The following FER variants were observed in gnomAD, a reference collection of about 807,000 sequenced individuals.
The protein encoded by FER is FER tyrosine kinase, also known as tyrosine-protein kinase Fer.
Under a neutral mutation model 111.0 loss-of-function variants are expected in FER, and 63 were observed. The observed-to-expected ratio is 0.57, with a 90% confidence interval of 0.46 to 0.70. The LOEUF is 0.70. FER is among the 30% of genes least tolerant of loss of function. The pLI, the probability that FER is intolerant of heterozygous loss-of-function variation, is 0.00. For synonymous variants in FER, 327 were observed against 313.9 expected (o/e 1.04, Z -0.44); for missense variants, 914 against 954.0 (o/e 0.96, Z 0.55).
chr5:109,021,192 C>T lies in FER; in HGVS notation c.1657-16230C>T, dbSNP rs79741239. Among the ~76,000 whole-genome samples, 139 of 152,008 alleles carry T rather than the reference C, an allele frequency of 9.1e-4. No homozygotes were observed. In the East Asian group the frequency reaches 0.021, roughly 23 times the overall value. Reference sequence around the variant, plus strand: ...GCTGTACTCAGTGTTATCCTACTACCATTTTAATTAATAAATTTAGATTTT... The same window carrying T: ...GCTGTACTCAGTGTTATCCTACTACTATTTTAATTAATAAATTTAGATTTT... On this transcript the variant is annotated intron_variant, in intron 13 of 19. Coordinates refer to ENST00000281092, the MANE Select transcript of FER (RefSeq NM_005246.4).
chr5:109,110,976 A>C (rs1490105077), intron 17 of FER, among the ~76,000 whole-genome samples: 1 of 152,164 alleles, frequency 6.6e-6, no homozygotes, highest in Non-Finnish European at 1.5e-5. Context: ...TTATCACACT[A>C]TGTAATTCTT....
Position 109,179,306 on chromosome 5 carries a change from T to C in FER, c.2049-1441T>C, listed in dbSNP as rs143613133. ...CCTCAATAGAAAAAAATTTAGCCTT[T>C]CACCATTTAAGTGTGTAATGTTAGG... On this transcript the variant is annotated intron_variant, in intron 17 of 19. Coordinates refer to ENST00000281092, the MANE Select transcript of FER (RefSeq NM_005246.4). 9.1e-3 allele frequency among the ~76,000 whole-genome samples: 1,385 copies of C among 152,350 alleles called. 13 individuals are homozygous for C. Among genetic ancestry groups the C allele is most frequent in the Middle Eastern group, 0.031 (9 of 294 alleles).
chr5:109,052,222 A>G, intron 16 of FER: 1 of 1,607,662 alleles, frequency 6.2e-7, no homozygotes, highest in South Asian at 1.1e-5. Context: ...GATCTGCAGG[A>G]CCCAGAAGCG....
intron 16 of FER, among the ~76,000 whole-genome samples, chr5:109,080,553 A>T (rs1776872503): frequency 6.6e-6 from 1 of 152,094 alleles, no homozygotes; most frequent in Admixed American, 6.6e-5. Flanking sequence ...TACAAATTTT[A>T]GGTCTGAATA....
intron 3 of FER, among the ~76,000 whole-genome samples, chr5:108,823,692 A>G (rs2150111027): frequency 6.6e-6 from 1 of 152,162 alleles, no homozygotes; most frequent in Admixed American, 6.5e-5. Flanking sequence ...CCCTTATTAG[A>G]TATATAATTT....
rs554498620 is a variant in FER at position 109,191,306 on chromosome 5, T to A, written c.*3731T>A. The stretch of plus-strand genomic sequence containing the variant: ...GAATGTACCTGAAAACCTTACTTAG[T>A]ATACTGTGTACACTGTTTAATGGCC... On this transcript the variant is annotated 3_prime_UTR_variant, in exon 20 of 20. Coordinates refer to ENST00000281092, the MANE Select transcript of FER (RefSeq NM_005246.4). 6.6e-4 allele frequency: 101 copies of A among 152,334 alleles called. No individual in the cohort carries two copies. Among genetic ancestry groups the A allele is most frequent in the African/African-American group, 2.4e-3 (98 of 41,578 alleles). The allele number at this position is 152,334 out of a possible 1,614,324, so 9.4% of individuals were successfully genotyped here.
intron 10 of FER, among the ~76,000 whole-genome samples, chr5:108,914,470 CA>C (rs1215937512): frequency 6.6e-6 from 1 of 152,100 alleles, no homozygotes; most frequent in Admixed American, 6.5e-5. Flanking sequence ...TTTTTGATAA[CA>C]AAGTGTTGTA....
At chr5:108,816,742 C>T (rs927259401) in intron 3 of FER, among the ~76,000 whole-genome samples, 5 of 152,020 alleles carry the variant, frequency 3.3e-5, no homozygotes, top group African/African-American at 9.7e-5. Flanking sequence ...GATGTATAGA[C>T]CCCATCCAAA....
intron 17 of FER, among the ~76,000 whole-genome samples, chr5:109,106,035 T>C (rs566864596): frequency 1.3e-5 from 2 of 152,298 alleles, no homozygotes; most frequent in African/African-American, 4.8e-5. Flanking sequence ...AAACAAGTGG[T>C]AGTTTCAGGA....
intron 10 of FER, among the ~76,000 whole-genome samples, chr5:108,944,688 G>A (rs983197264): frequency 2.0e-5 from 3 of 151,924 alleles, no homozygotes; most frequent in Admixed American, 2.0e-4. Context: ...TGAGTTTCAT[G>A]TTTTATTTGT....
At chr5:108,987,740 A>T (rs1762736481) in intron 13 of FER, among the ~76,000 whole-genome samples, 1 of 152,162 alleles carries the variant, frequency 6.6e-6, no homozygotes, top group South Asian at 2.1e-4. Flanking sequence ...ATTAGCAAAC[A>T]GCAACAGTTT....
At chr5:108,956,450 A>C (rs766784505) in intron 12 of FER, among the ~76,000 whole-genome samples, 1 of 151,690 alleles carries the variant, frequency 6.6e-6, no homozygotes, top group Non-Finnish European at 1.5e-5. Flanking sequence ...AATTGTAACT[A>C]TAAGTATTTA....
Position 109,043,495 on chromosome 5 carries a change from A to T in FER, c.1714-1185A>T, listed in dbSNP as rs180770665. ...AAAAATTGAATATAAGACTTGTTAA[A>T]AATATTTTAAGGTATTTTAATAATT... On this transcript the variant is annotated intron_variant, in intron 14 of 19. Coordinates refer to ENST00000281092, the MANE Select transcript of FER (RefSeq NM_005246.4). Among the ~76,000 whole-genome samples the T allele has an allele frequency of 4.6e-3, 700 of 152,270 alleles. 3 individuals carry two copies. The highest frequency in any genetic ancestry group is 0.016 in the African/African-American group (671 of 41,552).
intron 17 of FER, among the ~76,000 whole-genome samples, chr5:109,121,690 G>A (rs970644972): frequency 2.6e-5 from 4 of 151,984 alleles, no homozygotes; most frequent in African/African-American, 4.8e-5. Context: ...TTCTTTAAAT[G>A]TTTGGTAAAA....
intron 5 of FER, among the ~76,000 whole-genome samples, chr5:108,845,997 A>T (rs1338525807): frequency 6.6e-6 from 1 of 152,100 alleles, no homozygotes; most frequent in East Asian, 1.9e-4. Flanking sequence ...ATGTATTACT[A>T]CTTTTTAAAT....
At chr5:108,971,005 T>C (rs991078899) in intron 13 of FER, among the ~76,000 whole-genome samples, 1 of 152,166 alleles carries the variant, frequency 6.6e-6, no homozygotes, top group Admixed American at 6.5e-5. Context: ...ATACCTCATA[T>C]GTGAGATATA....
intron 16 of FER, among the ~76,000 whole-genome samples, chr5:109,080,261 T>C (rs1776837554): frequency 6.6e-6 from 1 of 152,134 alleles, no homozygotes; most frequent in South Asian, 2.1e-4. Flanking sequence ...GTCATTTTAA[T>C]GAAACAATTT....
chr5:108,838,727 T>A (rs1469189748), intron 5 of FER, among the ~76,000 whole-genome samples: 2 of 152,238 alleles, frequency 1.3e-5, no homozygotes, highest in African/African-American at 2.4e-5. Flanking sequence ...GAATTTAGCA[T>A]CATTTTAATT....
At chr5:109,054,913 A>G (rs756501822) in intron 16 of FER, among the ~76,000 whole-genome samples, 4 of 152,248 alleles carry the variant, frequency 2.6e-5, no homozygotes, top group East Asian at 3.9e-4. Flanking sequence ...ATGTGTCTCT[A>G]TTTTTGGACT....
Sources: gnomAD v4.1 joint callset for allele counts (sites outside exome capture counted in the v4.1 genomes callset) on GRCh38, gnomAD v4.1.1 for gene constraint, MANE v1.5 for transcripts, NCBI Gene and HGNC (gene_info 2026-07-23, HGNC 2026-07-21) for gene names.